The following KRTAP13-2 variants were observed in gnomAD, a reference collection of about 807,000 sequenced individuals.
The protein encoded by KRTAP13-2 is keratin-associated protein 13-2.
For synonymous variants in KRTAP13-2, 92 were observed against 87.4 expected (o/e 1.05, Z -0.30); for missense variants, 231 against 212.4 (o/e 1.09, Z -0.55).
chr21:30,371,986 G>A lies in KRTAP13-2; in HGVS notation c.228C>T (p.Cys76=), dbSNP rs758080535. The A allele has an allele frequency of 5.0e-6, 8 of 1,614,010 alleles. No individual in the cohort carries two copies. ...CQTSYVESSP[C]QTSCYRPRTS... is the part of the protein sequence containing the mutation. ...TTCTGGGGCGGTAGCAGGAGGTCTG[G>A]CAGGGGCTGGACTCCACATAGGACG... Residue 76 remains cysteine, a synonymous_variant, in exon 1 of 1, where the codon TGC becomes TGT. Transcript: ENST00000399889.
At chr21:30,372,153 AG>A in the KRTAP13-2 span, 3 of 1,614,160 alleles carry the variant, frequency 1.9e-6, no homozygotes, top group Non-Finnish European at 2.5e-6. Context: ...GATGCTGGGT[AG>A]CGCAGGTAGT....
In KRTAP13-2 at chr21:30,371,833, G is replaced by A; in HGVS notation, c.381C>T (p.Val127=). The change falls in exon 1 of 1, where the codon GTC becomes GTT. Residue 127 remains valine, a synonymous_variant. Transcript: ENST00000399889. ...CYSVGCGSSG[V]RSLGYGSCGF... ...CACAGCTTCCATAACCCAGGGATCT[G>A]ACACCACTGGACCCACAGCCCACTG... is the stretch of plus-strand genomic sequence containing the variant. The A allele has an allele frequency of 6.2e-7, 1 of 1,614,092 alleles. No individual in the cohort carries two copies. Among genetic ancestry groups the A allele is most frequent in the Non-Finnish European group, 8.5e-7 (1 of 1,179,966 alleles).
In KRTAP13-2 at chr21:30,372,169, A is replaced by C; in HGVS notation, c.45T>G (p.Cys15Trp). The change falls in exon 1 of 1, where the codon TGT becomes TGG. Residue 15 changes from cysteine to tryptophan, a missense_variant. Cys to Trp is a radical substitution (Grantham distance 215). Coordinates refer to ENST00000399889, the MANE Select transcript of KRTAP13-2 (RefSeq NM_181621.4). ...CCSGNFSSRS[C>W]GDYLRYPASS... ...ATGCTGGGTAGCGCAGGTAGTCACC[A>C]CAGGAGCGGGAGGAGAAGTTTCCAG... is the stretch of plus-strand genomic sequence containing the variant. 2 of 1,614,084 alleles carry C rather than the reference A, an allele frequency of 1.2e-6. No homozygotes were observed. Among genetic ancestry groups the C allele is most frequent in the Non-Finnish European group, 1.7e-6 (2 of 1,179,958 alleles).
At position 30,371,661 on chromosome 21, in the gene KRTAP13-2, C is replaced by T. The variant is rs1982899582; in HGVS notation, c.*25G>A. The T allele has an allele frequency of 1.2e-6, 2 of 1,603,288 alleles. No homozygotes were observed. The highest frequency in any genetic ancestry group is 1.1e-5 in the South Asian group (1 of 89,460). ...TAACAGCTCTACGTAGAGACTGAGA[C>T]ACTTTGCTTAAAAGGTCTGGAAATT... On this transcript the variant is annotated 3_prime_UTR_variant, in exon 1 of 1. Coordinates refer to ENST00000399889, the MANE Select transcript of KRTAP13-2 (RefSeq NM_181621.4).
Position 30,371,969 on chromosome 21 carries a change from C to A in KRTAP13-2, c.245G>T (p.Arg82Leu). 6.2e-7 allele frequency: 1 copy of A among 1,614,114 alleles called. No homozygotes were observed. Among genetic ancestry groups the A allele is most frequent in the Non-Finnish European group, 8.5e-7 (1 of 1,180,008 alleles). ...ACTGCAGAGCAAGGAGGTTCTGGGG[C>A]GGTAGCAGGAGGTCTGGCAGGGGCT... ...ESSPCQTSCY[R>L]PRTSLLCSPC... is the part of the protein sequence containing the mutation. Residue 82 changes from arginine (R) to leucine (L), a missense_variant, in exon 1 of 1, where the codon CGC (arginine) becomes CTC (leucine). Physicochemically the swap from Arg to Leu is moderately radical, Grantham distance 102. Transcript: ENST00000399889.
chr21:30,372,144 A>T lies in KRTAP13-2; in HGVS notation c.70T>A (p.Ser24Thr). The stretch of plus-strand genomic sequence containing the variant: ...CTGGGGTAGGAAAAGCCACGTGAGG[A>T]TGCTGGGTAGCGCAGGTAGTCACCA... The part of the protein sequence containing the change: ...SCGDYLRYPA[S>T]SRGFSYPSNL... The change falls in exon 1 of 1, where the codon TCC (serine) becomes ACC (threonine). Residue 24 changes from serine (S) to threonine (T), a missense_variant. Transcript: ENST00000399889. 6.2e-7 allele frequency: 1 copy of T among 1,614,196 alleles called. No individual in the cohort carries two copies. The highest frequency in any genetic ancestry group is 8.5e-7 in the Non-Finnish European group (1 of 1,180,032).
chr21:30,371,896 G>A lies in KRTAP13-2; in HGVS notation c.318C>T (p.Ser106=). The A allele has an allele frequency of 6.2e-7, 1 of 1,614,208 alleles. No homozygotes were observed. The change falls in exon 1 of 1, where the codon AGC becomes AGT. Residue 106 remains serine (S), a synonymous_variant. Coordinates refer to ENST00000399889, the MANE Select transcript of KRTAP13-2 (RefSeq NM_181621.4). ...YSGSLGFGSS[S]CRSLGYGSRS... Reference sequence around the variant, plus strand: ...TCGATCCATAGCCCAGGGAGCGGCAGCTGCTGGATCCAAAGCCTAGAGACC... The same window carrying A: ...TCGATCCATAGCCCAGGGAGCGGCAACTGCTGGATCCAAAGCCTAGAGACC...
Position 30,371,940 on chromosome 21 carries a change from A to G in KRTAP13-2, c.274T>C (p.Cys92Arg). ...AGAGACCCAGAGTAAGTCGTCTTGCAAGGACTGCAGAGCAAGGAGGTTCTG... is the reference window on the plus strand; with the variant it reads ...AGAGACCCAGAGTAAGTCGTCTTGCGAGGACTGCAGAGCAAGGAGGTTCTG... ...RPRTSLLCSP[C>R]KTTYSGSLGF... The change falls in exon 1 of 1, where the codon TGC becomes CGC. Residue 92 changes from cysteine to arginine, a missense_variant. Cys to Arg is a radical substitution (Grantham distance 180). Transcript: ENST00000399889. 1.2e-6 allele frequency: 2 copies of G among 1,614,170 alleles called. No homozygotes were observed. The highest frequency in any genetic ancestry group is 1.7e-6 in the Non-Finnish European group (2 of 1,180,020).
Position 30,371,882 on chromosome 21 carries a change from C to A in KRTAP13-2, c.332G>T (p.Gly111Val). 1 of 1,614,172 alleles carries A rather than the reference C, an allele frequency of 6.2e-7. No individual in the cohort carries two copies. The highest frequency in any genetic ancestry group is 2.2e-5 in the East Asian group (1 of 44,878). ...TGAGTAGCAGCTCCTCGATCCATAG[C>A]CCAGGGAGCGGCAGCTGCTGGATCC... Reference protein sequence around the residue: ...GFGSSSCRSLGYGSRSCYSVG... With the variant: ...GFGSSSCRSLVYGSRSCYSVG... Residue 111 changes from glycine (G) to valine (V), a missense_variant, in exon 1 of 1, where the codon GGC (glycine) becomes GTC (valine). Physicochemically the swap from Gly to Val is moderately radical, Grantham distance 109. Transcript: ENST00000399889.
In KRTAP13-2 at chr21:30,371,604, G is replaced by T; in HGVS notation, c.*82C>A. 7.6e-7 allele frequency: 1 copy of T among 1,309,594 alleles called. No individual in the cohort carries two copies. Among genetic ancestry groups the T allele is most frequent in the Non-Finnish European group, 1.1e-6 (1 of 936,648 alleles). 81.1% of individuals were successfully genotyped at this position (1,309,594 alleles called of 1,614,324 possible). The stretch of plus-strand genomic sequence containing the variant: ...AAGGATGAAGAGCTAGTAGTAAGAG[G>T]GGTTAGCTCACATTGCTGGAAATGC... On this transcript the variant is annotated 3_prime_UTR_variant, in exon 1 of 1. Coordinates refer to ENST00000399889, the MANE Select transcript of KRTAP13-2 (RefSeq NM_181621.4).
rs982647534 is a variant in KRTAP13-2 at position 30,371,850 on chromosome 21, A to G, written c.364T>C (p.Cys122Arg). The G allele has an allele frequency of 6.2e-7, 1 of 1,614,146 alleles. No individual in the cohort carries two copies. The highest frequency in any genetic ancestry group is 8.5e-7 in the Non-Finnish European group (1 of 1,180,000). ...YGSRSCYSVGCGSSGVRSLGY... is the reference protein window; with the variant it reads ...YGSRSCYSVGRGSSGVRSLGY... Reference sequence around the variant, plus strand: ...AGGGATCTGACACCACTGGACCCACAGCCCACTGAGTAGCAGCTCCTCGAT... The same window carrying G: ...AGGGATCTGACACCACTGGACCCACGGCCCACTGAGTAGCAGCTCCTCGAT... Residue 122 changes from cysteine (C) to arginine (R), a missense_variant, in exon 1 of 1, where the codon TGT (cysteine) becomes CGT (arginine). By Grantham distance (180) the Cys-to-Arg change is radical. Coordinates refer to ENST00000399889, the MANE Select transcript of KRTAP13-2 (RefSeq NM_181621.4).
Position 30,371,600 on chromosome 21 carries a change from A to G in KRTAP13-2, c.*86T>C. The G allele has an allele frequency of 7.8e-7, 1 of 1,280,922 alleles. No individual in the cohort carries two copies. The highest frequency in any genetic ancestry group is 1.1e-6 in the Non-Finnish European group (1 of 913,054). 79.3% of individuals were successfully genotyped at this position (1,280,922 alleles called of 1,614,324 possible). A position where few individuals can be genotyped will look rare whatever the true frequency, so the allele number is the denominator to read the frequency against. ...GAGAAAGGATGAAGAGCTAGTAGTA[A>G]GAGGGGTTAGCTCACATTGCTGGAA... On this transcript the variant is annotated 3_prime_UTR_variant, in exon 1 of 1. Coordinates refer to ENST00000399889, the MANE Select transcript of KRTAP13-2 (RefSeq NM_181621.4).
rs1827591049 is a variant in KRTAP13-2, at chr21:30,371,468, T to C, written c.*218A>G. The C allele has an allele frequency of 1.8e-6, 1 of 542,598 alleles. No individual in the cohort carries two copies. The highest frequency in any genetic ancestry group is 1.9e-5 in the African/African-American group (1 of 53,152). The allele number at this position is 542,598 out of a possible 1,614,324, so 33.6% of individuals were successfully genotyped here. Reference sequence around the variant, plus strand: ...TACTTTATAAGATGAACTTACGTGATAACGAATCACTTGTTTCAAAATTAT... The same window carrying C: ...TACTTTATAAGATGAACTTACGTGACAACGAATCACTTGTTTCAAAATTAT... On this transcript the variant is annotated 3_prime_UTR_variant, in exon 1 of 1. Transcript: ENST00000399889.
the KRTAP13-2 span, chr21:30,372,091 G>T: frequency 2.5e-6 from 4 of 1,614,212 alleles, no homozygotes; most frequent in Admixed American, 6.7e-5. Context: ...TGCTGGGAGA[G>T]CAGAGGTCAG....
chr21:30,371,506 C>A lies in KRTAP13-2; in HGVS notation c.*180G>T. 3.4e-6 allele frequency: 2 copies of A among 596,172 alleles called. No individual in the cohort carries two copies. Among genetic ancestry groups the A allele is most frequent in the Non-Finnish European group, 5.9e-6 (2 of 338,874 alleles). 36.9% of individuals were successfully genotyped at this position (596,172 alleles called of 1,614,324 possible). On this transcript the variant is annotated 3_prime_UTR_variant, in exon 1 of 1. Coordinates refer to ENST00000399889, the MANE Select transcript of KRTAP13-2 (RefSeq NM_181621.4). Reference sequence around the variant, plus strand: ...GTTTCAAAATTATAGACATTTGACTCTATATTTTGCTCATTCATTAATTTC... The same window carrying A: ...GTTTCAAAATTATAGACATTTGACTATATATTTTGCTCATTCATTAATTTC...
In KRTAP13-2 at chr21:30,371,941, A is replaced by T. The variant is rs142179847; in HGVS notation, c.273T>A (p.Pro91=). 6.0e-5 allele frequency: 97 copies of T among 1,614,080 alleles called. No individual in the cohort carries two copies. Among genetic ancestry groups the T allele is most frequent in the Non-Finnish European group, 7.6e-5 (90 of 1,180,036 alleles). ...YRPRTSLLCS[P]CKTTYSGSLG... ...GAGACCCAGAGTAAGTCGTCTTGCA[A>T]GGACTGCAGAGCAAGGAGGTTCTGG... The change falls in exon 1 of 1, where the codon CCT becomes CCA. Residue 91 remains proline (P), a synonymous_variant. Coordinates refer to ENST00000399889, the MANE Select transcript of KRTAP13-2 (RefSeq NM_181621.4).
rs140294541 is a variant in KRTAP13-2 at position 30,371,620 on chromosome 21, C to T, written c.*66G>A. On this transcript the variant is annotated 3_prime_UTR_variant, in exon 1 of 1. Transcript: ENST00000399889. ...TAGTAAGAGGGGTTAGCTCACATTG[C>T]TGGAAATGCCTATGATAACAGCTCT... 8.7e-6 allele frequency: 13 copies of T among 1,488,004 alleles called. No individual in the cohort carries two copies. Among genetic ancestry groups the T allele is most frequent in the Middle Eastern group, 1.8e-4 (1 of 5,604 alleles). The allele number at this position is 1,488,004 out of a possible 1,614,324, so 92.2% of individuals were successfully genotyped here. A position where few individuals can be genotyped will look rare whatever the true frequency, so the allele number is the denominator to read the frequency against.
rs1235406397 is a variant in KRTAP13-2, at chr21:30,371,731, A to G, written c.483T>C (p.Cys161=). Residue 161 remains cysteine, a synonymous_variant, in exon 1 of 1, where the codon TGT becomes TGC. Transcript: ENST00000399889. ...AGGTTGATCCATAGGCTGGTCTGTA[A>G]CAAGGAGACTGGCAGCTCCTAGAAG... ...YLASRSCQSP[C]YRPAYGSTFC... 4 of 1,614,170 alleles carry G rather than the reference A, an allele frequency of 2.5e-6. No individual in the cohort carries two copies. The highest frequency in any genetic ancestry group is 1.1e-5 in the South Asian group (1 of 91,088).
rs754989777 is a variant in KRTAP13-2 at position 30,371,717 on chromosome 21, T to C, written c.497A>G (p.Tyr166Cys). 14 of 1,614,102 alleles carry C rather than the reference T, an allele frequency of 8.7e-6. No homozygotes were observed. The Admixed American group carries it at 2.0e-4, about 23-fold the overall frequency. Residue 166 changes from tyrosine (Y) to cysteine (C), a missense_variant, in exon 1 of 1, where the codon TAT (tyrosine) becomes TGT (cysteine). Physicochemically the swap from Tyr to Cys is radical, Grantham distance 194. Coordinates refer to ENST00000399889, the MANE Select transcript of KRTAP13-2 (RefSeq NM_181621.4). The stretch of plus-strand genomic sequence containing the variant: ...AGTTGATCTGCAGAAGGTTGATCCA[T>C]AGGCTGGTCTGTAACAAGGAGACTG... ...SCQSPCYRPA[Y>C]GSTFCRSTC
Sources: gnomAD v4.1 joint callset for allele counts on GRCh38, gnomAD v4.1.1 for gene constraint, MANE v1.5 for transcripts, NCBI Gene and HGNC (gene_info 2026-07-23, HGNC 2026-07-21) for gene names.